The following MRE11 variants were observed in gnomAD, a reference collection of about 807,000 sequenced individuals.
The protein encoded by MRE11 is double-strand break repair protein MRE11.
Under a neutral mutation model 91.7 loss-of-function variants are expected in MRE11, and 62 were observed. That is an observed-to-expected ratio of 0.68 (90% confidence interval 0.55 to 0.84). MRE11 has a LOEUF of 0.84. Ranked by LOEUF, MRE11 falls within the 40% of genes least tolerant of loss-of-function variation. The probability of loss-of-function intolerance (pLI) is 0.00; values close to 1 mark genes in which losing one functional copy is unlikely to be tolerated. For missense variants in MRE11, 796 were observed against 852.9 expected, an observed-to-expected ratio of 0.93 and a Z score of 0.83; for synonymous variants, 273 against 271.4, an observed-to-expected ratio of 1.01 and a Z score of -0.06.
chr11:94,432,805 C>CA (rs1435803424), intron 18 of MRE11, among the ~76,000 whole-genome samples: 1 of 152,124 alleles, frequency 6.6e-6, no homozygotes, highest in South Asian at 2.1e-4. Context: ...GACTCCGTCT[C>CA]AAAAAACAAA....
At chr11:94,498,363 A>G, upstream of MRE11, 1 of 1,613,468 alleles carries the variant, frequency 6.2e-7, no homozygotes, top group Non-Finnish European at 8.5e-7. Context: ...GCTGCTGGGA[A>G]CAGAGACAGC....
In MRE11 at chr11:94,475,417, C is replaced by T. The variant is rs114584241; in HGVS notation, c.659+872G>A. ...ATTTTAGGTCCTGGACCGAACACCC[C>T]CCGTGGATACCAAGGGACAACTGTA... is the stretch of plus-strand genomic sequence containing the variant. On this transcript the variant is annotated intron_variant, in intron 7 of 19. Coordinates refer to ENST00000323929, the MANE Select transcript of MRE11 (RefSeq NM_005591.4). 1,201 of 340,826 alleles carry T rather than the reference C, an allele frequency of 3.5e-3. 14 individuals are homozygous for T. The highest frequency in any genetic ancestry group is 0.016 in the Middle Eastern group (40 of 2,518). The allele number at this position is 340,826 out of a possible 1,614,324, so 21.1% of individuals were successfully genotyped here. A position where few individuals can be genotyped will look rare whatever the true frequency, so the allele number is the denominator to read the frequency against.
intron 15 of MRE11, 35 bp downstream of exon 15, chr11:94,447,184 G>C (rs770222594): frequency 6.3e-7 from 1 of 1,588,018 alleles, no homozygotes; most frequent in Admixed American, 1.7e-5. Flanking sequence ...CAACTGCCAA[G>C]TGTGAATGTG....
intron 16 of MRE11, among the ~76,000 whole-genome samples, chr11:94,438,570 C>T (rs1407601582): frequency 2.6e-5 from 4 of 152,198 alleles, no homozygotes; most frequent in Admixed American, 6.5e-5. Flanking sequence ...AGTATTTATT[C>T]ACTGACTCCT....
At chr11:94,427,914 T>C (rs984311644) in intron 19 of MRE11, among the ~76,000 whole-genome samples, 1 of 152,020 alleles carries the variant, frequency 6.6e-6, no homozygotes, top group Non-Finnish European at 1.5e-5. Flanking sequence ...GCAAAAACAT[T>C]CCATGCTTAG....
rs181576182 is a variant in MRE11 at position 94,463,199 on chromosome 11, G to A, written c.1225+914C>T. Among the ~76,000 whole-genome samples, 886 of 152,228 alleles carry A rather than the reference G, an allele frequency of 5.8e-3. 5 individuals are homozygous for A. The highest frequency in any genetic ancestry group is 0.019 in the African/African-American group (802 of 41,524). On this transcript the variant is annotated intron_variant, in intron 11 of 19. Coordinates refer to ENST00000323929, the MANE Select transcript of MRE11 (RefSeq NM_005591.4). ...GAAAAAATGCTCATCATCACTGCCC[G>A]TCAGAGAAATACAATTCAAAACCAC...
intron 14 of MRE11, among the ~76,000 whole-genome samples, chr11:94,452,614 CT>C (rs1946139021): frequency 6.6e-6 from 1 of 152,150 alleles, no homozygotes; most frequent in Non-Finnish European, 1.5e-5. Flanking sequence ...AATACTGTAT[CT>C]TCATTTTTAT....
At position 94,417,229 on chromosome 11, in the gene MRE11, G is replaced by A. The variant is rs776133912; in HGVS notation, c.*2896C>T. 7 of 181,134 alleles carry A rather than the reference G, an allele frequency of 3.9e-5. No homozygotes were observed. Among genetic ancestry groups the A allele is most frequent in the Middle Eastern group, 2.0e-3 (1 of 496 alleles). 11.2% of individuals were successfully genotyped at this position (181,134 alleles called of 1,614,324 possible). A position where few individuals can be genotyped will look rare whatever the true frequency, so the allele number is the denominator to read the frequency against. ...CTGACCTCAGGTGAACCCCCTCCTC[G>A]GCCTCCCAAAGTGCTGGGATTAAAG... On this transcript the variant is annotated 3_prime_UTR_variant, in exon 20 of 20. Transcript: ENST00000323929.
At chr11:94,426,301 T>C (rs1250263668) in intron 19 of MRE11, among the ~76,000 whole-genome samples, 1 of 152,108 alleles carries the variant, frequency 6.6e-6, no homozygotes, top group East Asian at 1.9e-4. Flanking sequence ...CATTAATTAA[T>C]GAAATTAATT....
intron 18 of MRE11, 78 bp downstream of exon 18, chr11:94,435,752 GAA>G: frequency 8.0e-7 from 1 of 1,257,222 alleles, no homozygotes; most frequent in Non-Finnish European, 1.2e-6. Flanking sequence ...ACATGGCATA[GAA>G]AAATGTGTAA....
At chr11:94,505,850 G>T in the MRE11 span, among the ~76,000 whole-genome samples, 2 of 152,076 alleles carry the variant, frequency 1.3e-5, no homozygotes, top group African/African-American at 4.8e-5. Flanking sequence ...TATTTTTACC[G>T]TACCGTCTCT....
chr11:94,510,134 T>A, the MRE11 span, among the ~76,000 whole-genome samples: 759 of 152,290 alleles, frequency 5.0e-3, 7 homozygotes, highest in African/African-American at 0.017. Flanking sequence ...TTCTTTGTGG[T>A]ATGTGTTTTA....
In MRE11 at chr11:94,464,090, C is replaced by T. The variant is rs139950536; in HGVS notation, c.1225+23G>A. ...CAAATCCTATAAGAACATTTTTTTA[C>T]CTCATAAAAATAACTAGCTTACCTG... On this transcript the variant is annotated intron_variant, in intron 11 of 19. Coordinates refer to ENST00000323929, the MANE Select transcript of MRE11 (RefSeq NM_005591.4). 3 of 1,605,906 alleles carry T rather than the reference C, an allele frequency of 1.9e-6. No individual in the cohort carries two copies. In the South Asian group the frequency reaches 3.3e-5, roughly 18 times the overall value.
intron 11 of MRE11, among the ~76,000 whole-genome samples, chr11:94,461,709 T>C (rs1946419557): frequency 6.6e-6 from 1 of 152,160 alleles, no homozygotes; most frequent in African/African-American, 2.4e-5. Flanking sequence ...ATTGTATATT[T>C]AGAAAACCCC....
At chr11:94,450,070 G>GA (rs369416822) in intron 14 of MRE11, among the ~76,000 whole-genome samples, 2 of 152,070 alleles carry the variant, frequency 1.3e-5, no homozygotes, top group African/African-American at 4.8e-5. Context: ...GACTTTTGGA[G>GA]AAAAAATGTA....
chr11:94,431,661 T>C (rs1945464966), intron 18 of MRE11, among the ~76,000 whole-genome samples: 1 of 152,218 alleles, frequency 6.6e-6, no homozygotes, highest in African/African-American at 2.4e-5. Context: ...ACTTAGCCAC[T>C]GTGCTTCACA....
At position 94,424,841 on chromosome 11, in the gene MRE11, A is replaced by G. The variant is rs544245029; in HGVS notation, c.2071-4660T>C. ...AATGGAAAAAAAAAACCTCTGAGAA[A>G]TATGAGATTATGTAAAGAGGCAAAA... On this transcript the variant is annotated intron_variant, in intron 19 of 19. Transcript: ENST00000323929. 3.3e-4 allele frequency among the ~76,000 whole-genome samples: 51 copies of G among 152,334 alleles called. No homozygotes were observed. In the South Asian group the frequency reaches 9.5e-3, roughly 28 times the overall value.
chr11:94,494,995 A>G (rs1464442767), upstream of MRE11, among the ~76,000 whole-genome samples: 1 of 152,192 alleles, frequency 6.6e-6, no homozygotes, highest in East Asian at 1.9e-4. Context: ...AGCAATTCTG[A>G]TTGGATATCT....
At chr11:94,476,180 C>A in intron 7 of MRE11, 109 bp downstream of exon 7, 1 of 710,274 alleles carries the variant, frequency 1.4e-6, no homozygotes, top group Non-Finnish European at 2.5e-6. Flanking sequence ...TCTGATCTTG[C>A]ATTGACAACC....
Sources: allele counts gnomAD v4.1 joint callset (sites outside exome capture counted in the v4.1 genomes callset), GRCh38; gene constraint gnomAD v4.1.1; transcripts MANE v1.5; gene names NCBI Gene and HGNC (gene_info 2026-07-23, HGNC 2026-07-21).